The following NXPH2 variants were observed in gnomAD, a reference collection of about 807,000 sequenced individuals.
NXPH2 encodes neurexophilin 2, also known as neurexophilin-2.
In NXPH2, 5 loss-of-function variants were observed where a neutral mutation model predicts 19.8. That is an observed-to-expected ratio of 0.25 (90% CI 0.13 to 0.53). The LOEUF (loss-of-function observed/expected upper bound fraction) is 0.53. Ranked by LOEUF, NXPH2 falls within the 20% of genes least tolerant of loss-of-function variation. NXPH2 has a pLI of 0.96. For synonymous variants in NXPH2, 154 were observed against 127.4 expected, an observed-to-expected ratio of 1.21 and a Z score of -1.41; for missense variants, 289 against 322.8, an observed-to-expected ratio of 0.90 and a Z score of 0.80.
intron 1 of NXPH2, among the ~76,000 whole-genome samples, chr2:138,708,776 T>G (rs1401978427): frequency 6.6e-6 from 1 of 152,226 alleles, no homozygotes; most frequent in Non-Finnish European, 1.5e-5. Context: ...CAACCTCTCC[T>G]TGACTCACAG....
rs186264071 is a variant in NXPH2 at position 138,718,893 on chromosome 2, C to T, written c.52-47228G>A. ...AGCAGATAAAGGGAAGTACAGGAGA[C>T]GGGAGACACAGTCTCACTAGAGTGT... On this transcript the variant is annotated intron_variant, in intron 1 of 1. Coordinates refer to ENST00000272641, the MANE Select transcript of NXPH2 (RefSeq NM_007226.3). Among the ~76,000 whole-genome samples the T allele has an allele frequency of 9.3e-4, 141 of 151,760 alleles. 2 individuals are homozygous for T. The highest frequency in any genetic ancestry group is 3.4e-3 in the Middle Eastern group (1 of 292).
chr2:138,678,982 G>T (rs1376139289), intron 1 of NXPH2, among the ~76,000 whole-genome samples: 3 of 152,066 alleles, frequency 2.0e-5, no homozygotes, highest in Admixed American at 1.3e-4. Flanking sequence ...GGACACAAAC[G>T]CTACTTGGTT....
intron 1 of NXPH2, among the ~76,000 whole-genome samples, chr2:138,744,451 A>T (rs1681694018): frequency 6.6e-6 from 1 of 152,204 alleles, no homozygotes; most frequent in South Asian, 2.1e-4. Flanking sequence ...TTCCTTAAAA[A>T]AAAAAATAAA....
chr2:138,758,342 A>G (rs1163406783), intron 1 of NXPH2, among the ~76,000 whole-genome samples: 2 of 152,200 alleles, frequency 1.3e-5, no homozygotes, highest in African/African-American at 2.4e-5. Flanking sequence ...ACATTCCTCC[A>G]TTCTTGAGAA....
intron 1 of NXPH2, among the ~76,000 whole-genome samples, chr2:138,712,593 C>T (rs748357108): frequency 5.3e-5 from 8 of 152,186 alleles, no homozygotes; most frequent in African/African-American, 1.7e-4. Context: ...GGTTTATCCC[C>T]TGACCAAATT....
intron 1 of NXPH2, among the ~76,000 whole-genome samples, chr2:138,701,518 A>G (rs1362449195): frequency 6.6e-6 from 1 of 152,180 alleles, no homozygotes; most frequent in Non-Finnish European, 1.5e-5. Flanking sequence ...GAAGGATAAA[A>G]AGAAGGGCTG....
chr2:138,719,234 A>G (rs1464458174), intron 1 of NXPH2, among the ~76,000 whole-genome samples: 1 of 152,172 alleles, frequency 6.6e-6, no homozygotes, highest in Admixed American at 6.5e-5. Context: ...ATCCACAATT[A>G]TATATACTTA....
chr2:138,759,629 C>T (rs973493470), intron 1 of NXPH2, among the ~76,000 whole-genome samples: 4 of 151,706 alleles, frequency 2.6e-5, no homozygotes, highest in African/African-American at 9.7e-5. Flanking sequence ...TTGTATATCA[C>T]GAGCCACACC....
At chr2:138,696,580 T>C (rs1170388727) in intron 1 of NXPH2, among the ~76,000 whole-genome samples, 1 of 152,142 alleles carries the variant, frequency 6.6e-6, no homozygotes, top group African/African-American at 2.4e-5. Flanking sequence ...AGGGCTAAAA[T>C]TAAAAAGACT....
intron 1 of NXPH2, among the ~76,000 whole-genome samples, chr2:138,772,445 C>T (rs4641877): frequency 0.24 from 35,847 of 152,054 alleles, 4,485 homozygotes; most frequent in Admixed American, 0.33. Flanking sequence ...TACAGGCATG[C>T]GCCACCACGC....
chr2:138,760,755 T>C (rs1681998851), intron 1 of NXPH2, among the ~76,000 whole-genome samples: 1 of 152,156 alleles, frequency 6.6e-6, no homozygotes, highest in South Asian at 2.1e-4. Context: ...TTAGAAACTA[T>C]CCCAGATCAC....
At chr2:138,724,483 A>G (rs570311347) in intron 1 of NXPH2, among the ~76,000 whole-genome samples, 4 of 152,346 alleles carry the variant, frequency 2.6e-5, no homozygotes, top group Middle Eastern at 6.8e-3. Context: ...TGTGCTTACA[A>G]ACAATGCAAA....
At chr2:138,724,822 C>T (rs927249251) in intron 1 of NXPH2, among the ~76,000 whole-genome samples, 1 of 152,208 alleles carries the variant, frequency 6.6e-6, no homozygotes, top group Non-Finnish European at 1.5e-5. Context: ...CAACAGAGTG[C>T]TTATTCTGCA....
chr2:138,699,106 T>C (rs1455326422), intron 1 of NXPH2, among the ~76,000 whole-genome samples: 1 of 152,140 alleles, frequency 6.6e-6, no homozygotes, highest in African/African-American at 2.4e-5. Flanking sequence ...TACATAAACA[T>C]ATATATACAC....
At chr2:138,736,224 C>T (rs1213391651) in intron 1 of NXPH2, among the ~76,000 whole-genome samples, 1 of 152,198 alleles carries the variant, frequency 6.6e-6, no homozygotes, top group African/African-American at 2.4e-5. Context: ...CTCACACTTC[C>T]CTTCTGCACT....
intron 1 of NXPH2, among the ~76,000 whole-genome samples, chr2:138,777,124 A>C (rs1682275295): frequency 6.6e-6 from 1 of 152,106 alleles, no homozygotes; most frequent in South Asian, 2.1e-4. Context: ...AAAGGCAAAA[A>C]ATCACACTTA....
rs568671927 is a variant in NXPH2, at chr2:138,736,616, TC to T, written c.51+43574del. On this transcript the variant is annotated intron_variant, in intron 1 of 1. Coordinates refer to ENST00000272641, the MANE Select transcript of NXPH2 (RefSeq NM_007226.3). The stretch of plus-strand genomic sequence containing the variant: ...CTCTGACATTCCCTGGAGACATTTT[TC>T]CCATTGTCTTGGAGATTAACATTTG... 3.9e-5 allele frequency among the ~76,000 whole-genome samples: 6 copies of T among 152,346 alleles called. No homozygotes were observed. The East Asian group carries it at 7.7e-4, about 20-fold the overall frequency.
intron 1 of NXPH2, among the ~76,000 whole-genome samples, chr2:138,711,636 C>T (rs529833075): frequency 1.2e-4 from 18 of 152,246 alleles, no homozygotes; most frequent in African/African-American, 3.4e-4. Context: ...TTAGTTCCTA[C>T]TCAGTGATTC....
chr2:138,745,890 C>T (rs779259266), intron 1 of NXPH2, among the ~76,000 whole-genome samples: 7 of 152,094 alleles, frequency 4.6e-5, no homozygotes, highest in South Asian at 2.1e-4. Flanking sequence ...AAATTTGATA[C>T]GGCCCATAAA....
Sources: gnomAD v4.1 joint callset for allele counts (sites outside exome capture counted in the v4.1 genomes callset) on GRCh38, gnomAD v4.1.1 for gene constraint, MANE v1.5 for transcripts, NCBI Gene and HGNC (gene_info 2026-07-23, HGNC 2026-07-21) for gene names.